The following EEF1AKMT1 variants were observed in gnomAD, a reference collection of about 807,000 sequenced individuals.
EEF1AKMT1 encodes EEF1A lysine methyltransferase 1.
A neutral mutation model predicts 21.0 loss-of-function variants in EEF1AKMT1; 18 were observed. The ratio of observed to expected loss-of-function variants is 0.86; its 90% CI spans 0.59 to 1.27. The LOEUF (loss-of-function observed/expected upper bound fraction) is 1.27. EEF1AKMT1 is among the 50% of genes most tolerant of loss of function. The pLI, the probability that EEF1AKMT1 is intolerant of heterozygous loss-of-function variation, is 0.00. For synonymous variants in EEF1AKMT1, 109 were observed against 94.8 expected (o/e 1.15, Z -0.87); for missense variants, 246 against 258.6 (o/e 0.95, Z 0.33).
At chr13:20,744,385 T>G (rs939799016) in intron 2 of EEF1AKMT1, among the ~76,000 whole-genome samples, 2 of 152,212 alleles carry the variant, frequency 1.3e-5, no homozygotes, top group Non-Finnish European at 2.9e-5. Context: ...CTAACTGGAG[T>G]GAGATGGTAT....
rs1566536291 is a variant in EEF1AKMT1, at chr13:20,757,233, C to T, written c.144+222G>A. On this transcript the variant is annotated intron_variant, in intron 2 of 4. Transcript: ENST00000382758. ...ACCCCATCTTCTGATCACCAACCAGCCTGATAGTCAGAATCAAGAACAGCT... is the reference window on the plus strand; with the variant it reads ...ACCCCATCTTCTGATCACCAACCAGTCTGATAGTCAGAATCAAGAACAGCT... 5.3e-5 allele frequency: 21 copies of T among 399,734 alleles called. No homozygotes were observed. In the South Asian group the frequency reaches 1.5e-3, roughly 28 times the overall value. The allele number at this position is 399,734 out of a possible 1,614,324, so 24.8% of individuals were successfully genotyped here. A position where few individuals can be genotyped will look rare whatever the true frequency, so the allele number is the denominator to read the frequency against.
intron 1 of EEF1AKMT1, among the ~76,000 whole-genome samples, chr13:20,763,566 C>T (rs10161580): frequency 0.093 from 14,132 of 152,036 alleles, 809 homozygotes; most frequent in Non-Finnish European, 0.13. Flanking sequence ...GATTTTCCAG[C>T]CTCAGCCTCC....
intron 2 of EEF1AKMT1, among the ~76,000 whole-genome samples, chr13:20,741,055 C>T (rs2058867646): frequency 6.6e-6 from 1 of 151,940 alleles, no homozygotes; most frequent in Non-Finnish European, 1.5e-5. Context: ...CATCCCAAAG[C>T]AGATTCTCCA....
At chr13:20,748,726 G>GTTGTTGTTGTTTTT (rs2058924339) in intron 2 of EEF1AKMT1, among the ~76,000 whole-genome samples, 7 of 72,614 alleles carry the variant, frequency 9.6e-5, no homozygotes, top group Non-Finnish European at 9.0e-5. Context: ...TTTTTTTTTG[G>GTTGTTGTTGTTTTT]TTTTTTTTTT....
intron 2 of EEF1AKMT1, among the ~76,000 whole-genome samples, chr13:20,754,035 G>A (rs942136066): frequency 6.6e-5 from 10 of 151,910 alleles, no homozygotes; most frequent in Non-Finnish European, 1.5e-4. Flanking sequence ...TGTCATTATG[G>A]TTTGGTGGTT....
At chr13:20,755,759 T>C (rs1456900927) in intron 2 of EEF1AKMT1, among the ~76,000 whole-genome samples, 1 of 152,234 alleles carries the variant, frequency 6.6e-6, no homozygotes, top group Non-Finnish European at 1.5e-5. Context: ...TCAATTTTTA[T>C]GCTTTCTATA....
chr13:20,761,270 C>T (rs974995029), intron 1 of EEF1AKMT1, among the ~76,000 whole-genome samples: 3 of 152,148 alleles, frequency 2.0e-5, no homozygotes, highest in Non-Finnish European at 2.9e-5. Context: ...ATTCTTAACC[C>T]CTGGAAAGCA....
chr13:20,766,298 C>CAA (rs35866979), intron 1 of EEF1AKMT1, among the ~76,000 whole-genome samples: 1,923 of 76,654 alleles, frequency 0.025, 27 homozygotes, highest in East Asian at 0.064. Context: ...GACTCCATCT[C>CAA]AAAAAAAAAA....
At chr13:20,745,342 T>G (rs2058897312) in intron 2 of EEF1AKMT1, among the ~76,000 whole-genome samples, 1 of 152,218 alleles carries the variant, frequency 6.6e-6, no homozygotes, top group African/African-American at 2.4e-5. Flanking sequence ...TTTGTTTATG[T>G]TCTCTCTTAT....
At chr13:20,731,701 A>T in intron 4 of EEF1AKMT1, 140 bp downstream of exon 4, 1 of 858,070 alleles carries the variant, frequency 1.2e-6, no homozygotes, top group Non-Finnish European at 1.8e-6. Context: ...GTTTACAGAT[A>T]AGGAATCCAG....
At chr13:20,770,338 C>T (rs1315098027) in intron 1 of EEF1AKMT1, among the ~76,000 whole-genome samples, 1 of 151,868 alleles carries the variant, frequency 6.6e-6, no homozygotes, top group Admixed American at 6.6e-5. Flanking sequence ...GTGTACTGTT[C>T]AGTTTTATAA....
Position 20,729,082 on chromosome 13 carries a change from A to T in EEF1AKMT1, c.643T>A (p.Ter215ArgextTer6), listed in dbSNP as rs2058775886. Residue 215 changes from the stop codon to arginine (R), a stop_lost, in exon 5 of 5, where the codon TGA (stop) becomes AGA (arginine). Coordinates refer to ENST00000382758, the MANE Select transcript of EEF1AKMT1 (RefSeq NM_001318939.2). ...CTGTGTTATGTCACCGTCTGTAATC[A>T]GATCCCACAGTCCAGCCCAGAATCA... is the stretch of plus-strand genomic sequence containing the variant. ...NYDSGLDCGI[*>R] is the part of the protein sequence containing the mutation. 1 of 1,614,098 alleles carries T rather than the reference A, an allele frequency of 6.2e-7. No individual in the cohort carries two copies. The highest frequency in any genetic ancestry group is 8.5e-7 in the Non-Finnish European group (1 of 1,180,048).
intron 2 of EEF1AKMT1, among the ~76,000 whole-genome samples, chr13:20,749,071 G>A (rs1378753487): frequency 1.3e-5 from 2 of 152,148 alleles, no homozygotes; most frequent in Admixed American, 6.5e-5. Context: ...TTAGAATTAA[G>A]TGTCAGTGTT....
At chr13:20,766,016 G>C (rs1266812829) in intron 1 of EEF1AKMT1, among the ~76,000 whole-genome samples, 1 of 151,732 alleles carries the variant, frequency 6.6e-6, no homozygotes, top group Non-Finnish European at 1.5e-5. Flanking sequence ...ATATGCAATA[G>C]AGGCTGGGCG....
At chr13:20,767,766 T>C (rs2059043129) in intron 1 of EEF1AKMT1, among the ~76,000 whole-genome samples, 1 of 152,200 alleles carries the variant, frequency 6.6e-6, no homozygotes, top group African/African-American at 2.4e-5. Context: ...GGGACTCCAA[T>C]TATACATATA....
intron 4 of EEF1AKMT1, among the ~76,000 whole-genome samples, chr13:20,731,026 G>A (rs1303048154): frequency 2.0e-5 from 3 of 152,308 alleles, no homozygotes; most frequent in Middle Eastern, 3.4e-3. Context: ...AACAATTCCG[G>A]AGGTGCCGCC....
chr13:20,763,918 T>C (rs1214729654), intron 1 of EEF1AKMT1, among the ~76,000 whole-genome samples: 2 of 152,248 alleles, frequency 1.3e-5, no homozygotes, highest in South Asian at 2.1e-4. Flanking sequence ...GAGATGTTTA[T>C]AGCAGTCCTC....
At chr13:20,739,556 G>C (rs1380957621) in intron 2 of EEF1AKMT1, among the ~76,000 whole-genome samples, 1 of 152,172 alleles carries the variant, frequency 6.6e-6, no homozygotes, top group Non-Finnish European at 1.5e-5. Context: ...GTGCTGATTG[G>C]TGCATTTACA....
chr13:20,772,956 A>C (rs199691664), intron 1 of EEF1AKMT1, among the ~76,000 whole-genome samples: 2 of 152,224 alleles, frequency 1.3e-5, no homozygotes, highest in East Asian at 3.8e-4. Context: ...CCCAGACTCC[A>C]GTAAACCGCA....
Sources: gnomAD v4.1 joint callset for allele counts (sites outside exome capture counted in the v4.1 genomes callset) on GRCh38, gnomAD v4.1.1 for gene constraint, MANE v1.5 for transcripts, NCBI Gene and HGNC (gene_info 2026-07-23, HGNC 2026-07-21) for gene names.